EPB41L4A: variants seen among roughly 807,000 people sequenced by gnomAD.
EPB41L4A encodes erythrocyte membrane protein band 4.1 like 4A.
A neutral mutation model predicts 108.6 loss-of-function variants in EPB41L4A; 100 were observed. The observed-to-expected ratio is 0.92, with a 90% CI of 0.78 to 1.09. The LOEUF is 1.09. Among genes scored for constraint, EPB41L4A ranks in the 50% least tolerant of loss-of-function variants. The pLI, the probability that EPB41L4A is intolerant of heterozygous loss-of-function variation, is 0.00. For missense variants in EPB41L4A, 1,030 were observed against 842.7 expected, an observed-to-expected ratio of 1.22 and a Z score of -2.75; for synonymous variants, 319 against 289.0, an observed-to-expected ratio of 1.10 and a Z score of -1.05.
intron 18 of EPB41L4A, among the ~76,000 whole-genome samples, chr5:112,180,900 T>C (rs1030164646): frequency 6.6e-6 from 1 of 152,142 alleles, no homozygotes; most frequent in Non-Finnish European, 1.5e-5. Flanking sequence ...ACAAAAAATT[T>C]GAACACTTTA....
Position 112,307,403 on chromosome 5 carries a change from C to T in EPB41L4A, c.187G>A (p.Asp63Asn), listed in dbSNP as rs766413624. Reference protein sequence around the residue: ...EIDYFGLRYCDRSHQTYWLDP... With the variant: ...EIDYFGLRYCNRSHQTYWLDP... ...TTACTCACCGTCTGATGGCTTCTGTCACAGTAACGTAGCCCAAAATAATCT... is the reference window on the plus strand; with the variant it reads ...TTACTCACCGTCTGATGGCTTCTGTTACAGTAACGTAGCCCAAAATAATCT... The change falls in exon 2 of 23, where the codon GAC becomes AAC. Residue 63 changes from aspartate to asparagine, a missense_variant. Coordinates refer to ENST00000261486, the MANE Select transcript of EPB41L4A (RefSeq NM_022140.5). The T allele has an allele frequency of 1.1e-5, 17 of 1,611,598 alleles. No individual in the cohort carries two copies. In the South Asian group the frequency reaches 1.8e-4, roughly 17 times the overall value.
chr5:112,234,926 C>G (rs961647914), intron 11 of EPB41L4A, among the ~76,000 whole-genome samples, 171 bp from the exon 12 acceptor site: 3 of 152,008 alleles, frequency 2.0e-5, no homozygotes, highest in African/African-American at 7.3e-5. Flanking sequence ...TTATTAAATT[C>G]TAGGAGGAGA....
chr5:112,244,906 T>C (rs1004931689), intron 9 of EPB41L4A, among the ~76,000 whole-genome samples: 1 of 152,146 alleles, frequency 6.6e-6, no homozygotes, highest in Non-Finnish European at 1.5e-5. Context: ...AATTCCTTCT[T>C]AGCTCCTGTA....
intron 1 of EPB41L4A, among the ~76,000 whole-genome samples, chr5:112,405,940 A>C (rs1162767824): frequency 6.6e-6 from 1 of 152,254 alleles, no homozygotes; most frequent in East Asian, 1.9e-4. Context: ...CTAGGTACAC[A>C]ATAAGCTCTG....
intron 11 of EPB41L4A, among the ~76,000 whole-genome samples, chr5:112,238,675 G>A (rs969900104): frequency 3.9e-5 from 6 of 152,142 alleles, no homozygotes; most frequent in Non-Finnish European, 7.3e-5. Flanking sequence ...GTGACACTAG[G>A]TGGCATCTCC....
chr5:112,356,253 A>G (rs1758352235), intron 1 of EPB41L4A, among the ~76,000 whole-genome samples: 1 of 152,162 alleles, frequency 6.6e-6, no homozygotes, highest in African/African-American at 2.4e-5. Flanking sequence ...CCTCCCTACC[A>G]CAACAGAAAA....
At chr5:112,286,907 ATGGTCCCATT>A (rs1753320950) in intron 2 of EPB41L4A, among the ~76,000 whole-genome samples, 1 of 151,292 alleles carries the variant, frequency 6.6e-6, no homozygotes, top group Non-Finnish European at 1.5e-5. Context: ...TCATCTCCTC[ATGGTCCCATT>A]TTAGTATTTA....
At chr5:112,195,800 A>G (rs1206459047) in intron 15 of EPB41L4A, 92 bp from the exon 16 acceptor site, 7 of 1,085,056 alleles carry the variant, frequency 6.5e-6, no homozygotes, top group Non-Finnish European at 8.3e-6. Flanking sequence ...CAGTTAACAC[A>G]TATTTGTCAT....
At chr5:112,349,507 T>C (rs1045621734) in intron 1 of EPB41L4A, among the ~76,000 whole-genome samples, 1 of 152,144 alleles carries the variant, frequency 6.6e-6, no homozygotes, top group South Asian at 2.1e-4. Flanking sequence ...ACAGCTGCTA[T>C]AGGGACAAAC....
chr5:112,250,759 G>C (rs1750599547), intron 9 of EPB41L4A: 1 of 152,156 alleles, frequency 6.6e-6, no homozygotes, highest in Non-Finnish European at 1.5e-5. Flanking sequence ...AAGCTATTCA[G>C]CAGCCAAGAA....
At chr5:112,313,858 C>CTTTTT (rs1188991050) in intron 1 of EPB41L4A, among the ~76,000 whole-genome samples, 1,140 of 89,356 alleles carry the variant, frequency 0.013, 13 homozygotes, top group African/African-American at 0.02. Context: ...AGGTAACTTT[C>CTTTTT]TTTTTTTTTT....
chr5:112,292,314 T>C (rs1017970626), intron 2 of EPB41L4A, among the ~76,000 whole-genome samples: 2 of 152,276 alleles, frequency 1.3e-5, no homozygotes, highest in South Asian at 2.1e-4. Flanking sequence ...CTCTAAAAAA[T>C]GTTAAACAAG....
At chr5:112,234,273 T>A (rs1374446524) in intron 12 of EPB41L4A, among the ~76,000 whole-genome samples, 1 of 151,484 alleles carries the variant, frequency 6.6e-6, no homozygotes, top group African/African-American at 2.4e-5. Context: ...GCCTATAGTC[T>A]CAGCTACCTG....
chr5:112,205,877 C>A (rs541952225), intron 13 of EPB41L4A: 76 of 199,164 alleles, frequency 3.8e-4, no homozygotes, highest in Non-Finnish European at 6.4e-4. Context: ...GCCTGGCTCC[C>A]TTTTTACAAC....
At chr5:112,374,285 C>G (rs1759672589) in intron 1 of EPB41L4A, among the ~76,000 whole-genome samples, 1 of 152,154 alleles carries the variant, frequency 6.6e-6, no homozygotes, top group South Asian at 2.1e-4. Flanking sequence ...CATTACCCAA[C>G]AGTTTCCTGG....
At chr5:112,372,956 A>T (rs1185949623) in intron 1 of EPB41L4A, among the ~76,000 whole-genome samples, 7 of 152,212 alleles carry the variant, frequency 4.6e-5, no homozygotes, top group Non-Finnish European at 7.3e-5. Context: ...CAATTACTTA[A>T]CCCTTAAAAT....
chr5:112,371,057 G>C (rs759251004), intron 1 of EPB41L4A, among the ~76,000 whole-genome samples: 8 of 152,204 alleles, frequency 5.3e-5, no homozygotes, highest in Non-Finnish European at 1.2e-4. Context: ...GTGGTGGAGA[G>C]ACTGTAGAAA....
chr5:112,181,957 C>A (rs1246331774), intron 18 of EPB41L4A, among the ~76,000 whole-genome samples: 1 of 152,034 alleles, frequency 6.6e-6, no homozygotes, highest in South Asian at 2.1e-4. Flanking sequence ...CCTGTAATCC[C>A]AGCTACTCAG....
intron 17 of EPB41L4A, among the ~76,000 whole-genome samples, chr5:112,189,968 T>C (rs986128839): frequency 1.2e-4 from 18 of 152,136 alleles, no homozygotes; most frequent in African/African-American, 4.3e-4. Flanking sequence ...TCCTCCTTCA[T>C]CCTACACCCT....
Sources: gnomAD v4.1 joint callset for allele counts (sites outside exome capture counted in the v4.1 genomes callset) on GRCh38, gnomAD v4.1.1 for gene constraint, MANE v1.5 for transcripts, NCBI Gene and HGNC (gene_info 2026-07-23, HGNC 2026-07-21) for gene names.